TEX264: variants seen among roughly 807,000 people sequenced by gnomAD.
TEX264 encodes testis-expressed protein 264.
Under a neutral mutation model 23.4 loss-of-function variants are expected in TEX264, and 13 were observed. The observed-to-expected ratio is 0.56, with a 90% CI of 0.36 to 0.88. TEX264 has a LOEUF of 0.88. TEX264 is among the 40% of genes least tolerant of loss of function. TEX264 has a pLI of 0.01. For synonymous variants in TEX264, 159 were observed against 170.0 expected (o/e 0.94, Z 0.50); for missense variants, 340 against 406.8 (o/e 0.84, Z 1.41).
rs565359825 is a variant in TEX264 at position 51,684,102 on chromosome 3, C to T, written c.259-311C>T. The T allele has an allele frequency of 4.6e-5, 18 of 390,540 alleles. 1 individual carries two copies. Among genetic ancestry groups the T allele is most frequent in the South Asian group, 2.4e-4 (9 of 36,924 alleles). The allele number at this position is 390,540 out of a possible 1,614,324, so 24.2% of individuals were successfully genotyped here. A position where few individuals can be genotyped will look rare whatever the true frequency, so the allele number is the denominator to read the frequency against. On this transcript the variant is annotated intron_variant, in intron 2 of 4. Transcript: ENST00000341333. ...AGGGTGATGGTTCAGAGGTCCTCTC[C>T]GCCCTTCCCTCTCCTGGCCTCCAGA...
intron 4 of TEX264, 81 bp downstream of exon 4, chr3:51,699,655 C>T: frequency 6.5e-7 from 1 of 1,533,418 alleles, no homozygotes; most frequent in East Asian, 2.3e-5. Flanking sequence ...GAGGAGGCTC[C>T]TCCCTCTCTG....
chr3:51,688,821 T>C (rs368460355), intron 3 of TEX264, among the ~76,000 whole-genome samples: 3 of 152,138 alleles, frequency 2.0e-5, no homozygotes, highest in Admixed American at 6.5e-5. Context: ...TGGGACTGTC[T>C]TACCAGGGGC....
chr3:51,682,046 C>G, intron 2 of TEX264: 1 of 152,200 alleles, frequency 6.6e-6, no homozygotes, highest in Non-Finnish European at 1.5e-5. Context: ...AACTCAAACC[C>G]AGGCAAGCCA....
chr3:51,698,242 G>T (rs1042950520), intron 3 of TEX264, among the ~76,000 whole-genome samples: 1 of 152,188 alleles, frequency 6.6e-6, no homozygotes, highest in African/African-American at 2.4e-5. Flanking sequence ...CTCAACCCTA[G>T]GGTTGGCCAG....
Position 51,699,393 on chromosome 3 carries a change from A to G in TEX264, c.481-13A>G. 6.2e-7 allele frequency: 1 copy of G among 1,611,856 alleles called. No individual in the cohort carries two copies. Among genetic ancestry groups the G allele is most frequent in the Non-Finnish European group, 8.5e-7 (1 of 1,178,178 alleles). On this transcript the variant is annotated splice_polypyrimidine_tract_variant and intron_variant, in intron 3 of 4. Coordinates refer to ENST00000341333, the MANE Select transcript of TEX264 (RefSeq NM_015926.6). Reference sequence around the variant, plus strand: ...TGTAGGGCTCATTCTACCTTTTGCCACTCTCTGACTAGGAGCGGAAGCTGT... The same window carrying G: ...TGTAGGGCTCATTCTACCTTTTGCCGCTCTCTGACTAGGAGCGGAAGCTGT...
chr3:51,690,230 C>T (rs1302557603), intron 3 of TEX264, among the ~76,000 whole-genome samples: 1 of 152,160 alleles, frequency 6.6e-6, no homozygotes, highest in Non-Finnish European at 1.5e-5. Flanking sequence ...AGGCCTCGGC[C>T]GGGGAAATAC....
At chr3:51,678,897 A>AG (rs1702324266) in intron 2 of TEX264, among the ~76,000 whole-genome samples, 1 of 152,196 alleles carries the variant, frequency 6.6e-6, no homozygotes, top group African/African-American at 2.4e-5. Context: ...TCCTCAACAA[A>AG]GGCAATGGGA....
intron 3 of TEX264, among the ~76,000 whole-genome samples, chr3:51,692,138 G>T (rs1702852483): frequency 6.6e-6 from 1 of 152,364 alleles, no homozygotes; most frequent in East Asian, 1.9e-4. Context: ...TGGCAGCCCT[G>T]CAGGACCCTG....
intron 2 of TEX264, chr3:51,684,171 T>G (rs1449211261): frequency 3.7e-6 from 2 of 543,560 alleles, no homozygotes; most frequent in African/African-American, 3.8e-5. Context: ...TCCCTGGGTT[T>G]CCACAGGGCA....
intron 3 of TEX264, among the ~76,000 whole-genome samples, chr3:51,687,500 G>A (rs1049864415): frequency 3.3e-5 from 5 of 152,182 alleles, no homozygotes; most frequent in African/African-American, 7.2e-5. Flanking sequence ...GACTAGTTGC[G>A]TCTCACTCTT....
rs186556997 is a variant in TEX264, at chr3:51,686,365, G to A, written c.480+1731G>A. On this transcript the variant is annotated intron_variant, in intron 3 of 4. Transcript: ENST00000341333. The surrounding 1 kb of genome is among the most constrained non-coding windows in gnomAD (Gnocchi z 4.1). ...ACACTTGGAGGATCCTTGCAACTTT[G>A]TTCACCAAAGCAGCTTGGGGAAAGG... 5.9e-5 allele frequency among the ~76,000 whole-genome samples: 9 copies of A among 152,294 alleles called. No homozygotes were observed. In the East Asian group the frequency reaches 1.7e-3, roughly 29 times the overall value.
At chr3:51,697,210 C>T (rs1703097014) in intron 3 of TEX264, among the ~76,000 whole-genome samples, 1 of 152,242 alleles carries the variant, frequency 6.6e-6, no homozygotes, top group Non-Finnish European at 1.5e-5. Context: ...CGCAGAGCTG[C>T]CTCCCGCCTG....
chr3:51,700,457 A>G (rs963715324), intron 4 of TEX264, among the ~76,000 whole-genome samples: 37 of 152,014 alleles, frequency 2.4e-4, no homozygotes, highest in African/African-American at 8.5e-4. Context: ...TCTACTCCCT[A>G]GGGGCCTGTG....
At chr3:51,690,714 G>C (rs1702797401) in intron 3 of TEX264, among the ~76,000 whole-genome samples, 1 of 152,196 alleles carries the variant, frequency 6.6e-6, no homozygotes, top group African/African-American at 2.4e-5. Flanking sequence ...TCTCAGCTCA[G>C]TCACTTATTC....
intron 2 of TEX264, chr3:51,682,334 A>C (rs1702458064): frequency 6.6e-6 from 1 of 152,168 alleles, no homozygotes; most frequent in African/African-American, 2.4e-5. Flanking sequence ...GGGTGGGAGG[A>C]GCTTCAGGCC....
chr3:51,684,542 C>G lies in TEX264; in HGVS notation c.388C>G (p.His130Asp). ...FKVFSFPAPSHVVTATFPYTT... is the reference protein window; with the variant it reads ...FKVFSFPAPSDVVTATFPYTT... ...GGTGTTCTCCTTCCCGGCACCCAGC[C>G]ATGTGGTGACAGCCACCTTCCCCTA... is the stretch of plus-strand genomic sequence containing the variant. The change falls in exon 3 of 5, where the codon CAT (histidine) becomes GAT (aspartate). Residue 130 changes from histidine (H) to aspartate (D), a missense_variant. His to Asp is a moderately conservative substitution (Grantham distance 81). Transcript: ENST00000341333. 6.2e-7 allele frequency: 1 copy of G among 1,613,918 alleles called. No individual in the cohort carries two copies. Among genetic ancestry groups the G allele is most frequent in the Non-Finnish European group, 8.5e-7 (1 of 1,179,950 alleles).
Position 51,674,358 on chromosome 3 carries a change from G to A in TEX264, c.54G>A (p.Leu18=). Reference sequence around the variant, plus strand: ...TTGGGGGCCTGACTCTCTTACTGCTGCTGACGCTGCTGGCCTTTGCCGGGT... The same window carrying A: ...TTGGGGGCCTGACTCTCTTACTGCTACTGACGCTGCTGGCCTTTGCCGGGT... ...GLIGGLTLLL[L]LTLLAFAGYS... Residue 18 remains leucine, a synonymous_variant, in exon 2 of 5, where the codon CTG becomes CTA. Transcript: ENST00000341333. 2 of 1,614,250 alleles carry A rather than the reference G, an allele frequency of 1.2e-6. No individual in the cohort carries two copies. The highest frequency in any genetic ancestry group is 1.3e-5 in the African/African-American group (1 of 75,056).
chr3:51,689,938 G>T (rs780484137), intron 3 of TEX264, among the ~76,000 whole-genome samples: 2 of 152,176 alleles, frequency 1.3e-5, no homozygotes, highest in Non-Finnish European at 2.9e-5. Context: ...GTTCTCCTGG[G>T]GTGGTGGTGA....
At chr3:51,685,013 C>T (rs1029476614) in intron 3 of TEX264, among the ~76,000 whole-genome samples, 1 of 152,242 alleles carries the variant, frequency 6.6e-6, no homozygotes, top group African/African-American at 2.4e-5. Flanking sequence ...CTGAGGCTCC[C>T]AGTGTCTGGG....
Sources: allele counts gnomAD v4.1 joint callset (sites outside exome capture counted in the v4.1 genomes callset), GRCh38; gene constraint gnomAD v4.1.1; non-coding constraint Gnocchi (gnomAD v3.1); transcripts MANE v1.5; gene names NCBI Gene and HGNC (gene_info 2026-07-23, HGNC 2026-07-21).